The following INSC variants were observed in gnomAD, a reference collection of about 807,000 sequenced individuals.
The protein encoded by INSC is protein inscuteable homolog.
In INSC, 67 loss-of-function variants were observed where a neutral mutation model predicts 58.6. The observed-to-expected ratio is 1.14, with a 90% CI of 0.94 to 1.40. The LOEUF (loss-of-function observed/expected upper bound fraction) is 1.40. Ranked by LOEUF, INSC falls within the 40% of genes most tolerant of loss-of-function variation. The pLI is 0.00. For synonymous variants in INSC, 262 were observed against 276.1 expected, an observed-to-expected ratio of 0.95 and a Z score of 0.51; for missense variants, 714 against 692.0, an observed-to-expected ratio of 1.03 and a Z score of -0.36.
chr11:15,228,995 A>T (rs1851745967), intron 9 of INSC, among the ~76,000 whole-genome samples: 1 of 152,180 alleles, frequency 6.6e-6, no homozygotes, highest in Non-Finnish European at 1.5e-5. Context: ...TTTCATGCCC[A>T]GGAGGTATTT....
In INSC at chr11:15,114,998, C is replaced by G. The variant is rs1425412079; in HGVS notation, c.-51C>G. On this transcript the variant is annotated 5_prime_UTR_variant, in exon 1 of 13. Transcript: ENST00000379556. ...GCTCGCACTACCAGCCTGTCTCGCA[C>G]GCTAAGTAAGTAGACAGCTCCCCTA... The G allele has an allele frequency of 3.0e-6, 3 of 985,364 alleles. No homozygotes were observed. Among genetic ancestry groups the G allele is most frequent in the Non-Finnish European group, 3.6e-6 (3 of 829,954 alleles). 61.0% of individuals were successfully genotyped at this position (985,364 alleles called of 1,614,324 possible).
At chr11:15,208,304 G>C (rs748803917) in intron 7 of INSC, among the ~76,000 whole-genome samples, 5 of 152,140 alleles carry the variant, frequency 3.3e-5, no homozygotes, top group Non-Finnish European at 5.9e-5. Context: ...ACTCCCATGG[G>C]AATGGGCTAA....
At chr11:15,179,302 G>C (rs1391248271) in intron 5 of INSC, among the ~76,000 whole-genome samples, 1 of 152,174 alleles carries the variant, frequency 6.6e-6, no homozygotes, top group Non-Finnish European at 1.5e-5. Context: ...CAGTAAAGCA[G>C]ATTCCATAAG....
At chr11:15,169,520 T>G (rs1004409561) in intron 2 of INSC, among the ~76,000 whole-genome samples, 2 of 149,738 alleles carry the variant, frequency 1.3e-5, no homozygotes, top group Non-Finnish European at 2.9e-5. Context: ...TCACAGTTTT[T>G]GTTGTTGTTG....
At chr11:15,205,057 G>A (rs185719646) in intron 7 of INSC, among the ~76,000 whole-genome samples, 208 of 152,164 alleles carry the variant, frequency 1.4e-3, no homozygotes, top group Admixed American at 4.9e-3. Context: ...AAGTCACTTC[G>A]TCTCTGCTTC....
chr11:15,122,972 T>A (rs1441643020), intron 1 of INSC, among the ~76,000 whole-genome samples: 1 of 152,228 alleles, frequency 6.6e-6, no homozygotes, highest in Non-Finnish European at 1.5e-5. Flanking sequence ...TGCCTGGCCC[T>A]GCTGCCCTCT....
At chr11:15,121,256 T>C (rs1437198182) in intron 1 of INSC, among the ~76,000 whole-genome samples, 1 of 152,230 alleles carries the variant, frequency 6.6e-6, no homozygotes, top group Non-Finnish European at 1.5e-5. Flanking sequence ...ATAGATTGCA[T>C]TTAATTGTCA....
intron 1 of INSC, among the ~76,000 whole-genome samples, chr11:15,133,515 A>T (rs951903210): frequency 1.3e-5 from 2 of 152,106 alleles, no homozygotes; most frequent in Non-Finnish European, 2.9e-5. Context: ...TTAATTCTCA[A>T]CTCTCATTGT....
intron 2 of INSC, among the ~76,000 whole-genome samples, chr11:15,152,770 G>A (rs1848694507): frequency 6.6e-6 from 1 of 152,190 alleles, no homozygotes; most frequent in Non-Finnish European, 1.5e-5. Context: ...GCTGAAGGCT[G>A]TTGGCTAATG....
At chr11:15,168,933 C>A (rs554666499) in intron 2 of INSC, among the ~76,000 whole-genome samples, 16 of 152,066 alleles carry the variant, frequency 1.1e-4, no homozygotes, top group African/African-American at 3.9e-4. Flanking sequence ...TGTTATATTT[C>A]GATAAAAATT....
At chr11:15,247,820 C>G (rs541358242), downstream of INSC, among the ~76,000 whole-genome samples, 2 of 149,002 alleles carry the variant, frequency 1.3e-5, no homozygotes, top group Admixed American at 1.4e-4. Context: ...CAACAGACAA[C>G]TTTTGTTAAT....
chr11:15,148,271 T>G (rs1454607438), intron 1 of INSC, among the ~76,000 whole-genome samples: 1 of 152,184 alleles, frequency 6.6e-6, no homozygotes, highest in African/African-American at 2.4e-5. Flanking sequence ...TTTTCTTAGA[T>G]AATAGGAAGC....
At position 15,226,118 on chromosome 11, in the gene INSC, C is replaced by A. The variant is rs567431993; in HGVS notation, c.1170+290C>A. ...TGAAGCCTCCCTACGAGATCTCCTA[C>A]CTGCTTTGCCCATCCCAACCACTGT... On this transcript the variant is annotated intron_variant, in intron 9 of 12. Transcript: ENST00000379556. 4.4e-4 allele frequency among the ~76,000 whole-genome samples: 67 copies of A among 152,196 alleles called. 1 individual carries two copies. The highest frequency in any genetic ancestry group is 1.5e-3 in the African/African-American group (64 of 41,508).
chr11:15,155,328 C>A (rs1378406294), intron 2 of INSC, among the ~76,000 whole-genome samples: 1 of 152,204 alleles, frequency 6.6e-6, no homozygotes, highest in Non-Finnish European at 1.5e-5. Context: ...GCCTGGAAAA[C>A]CTACTGAGAT....
intron 1 of INSC, among the ~76,000 whole-genome samples, chr11:15,141,933 G>A (rs1255967396): frequency 6.6e-6 from 1 of 151,996 alleles, no homozygotes; most frequent in East Asian, 1.9e-4. Context: ...GTTACCATGA[G>A]GACTGAAATT....
rs537161754 is a variant in INSC at position 15,223,145 on chromosome 11, G to C, written c.991+1497G>C. On this transcript the variant is annotated intron_variant, in intron 8 of 12. Coordinates refer to ENST00000379556, the MANE Select transcript of INSC (RefSeq NM_001042536.3). ...GGTCACTGGTAAATTTCAGTTGATT[G>C]TTACCATGTGGGAAAGGCATAGACT... Among the ~76,000 whole-genome samples the C allele has an allele frequency of 5.0e-4, 76 of 152,256 alleles. No homozygotes were observed. The South Asian group carries it at 0.015, about 30-fold the overall frequency.
intron 6 of INSC, among the ~76,000 whole-genome samples, chr11:15,197,333 G>T (rs187817598): frequency 6.6e-6 from 1 of 152,084 alleles, no homozygotes; most frequent in African/African-American, 2.4e-5. Context: ...CCATTTTTCC[G>T]GGCTGGAAAA....
At chr11:15,143,961 C>T (rs1848432196) in intron 1 of INSC, among the ~76,000 whole-genome samples, 1 of 152,130 alleles carries the variant, frequency 6.6e-6, no homozygotes, top group Non-Finnish European at 1.5e-5. Context: ...CTGCAGGTAC[C>T]ACAAGGCCTC....
Position 15,228,171 on chromosome 11 carries a change from T to C in INSC, c.1170+2343T>C, listed in dbSNP as rs147085866. 6.8e-4 allele frequency among the ~76,000 whole-genome samples: 104 copies of C among 152,348 alleles called. 1 individual carries two copies. The East Asian group carries it at 7.3e-3, about 11-fold the overall frequency. ...AATGTTATTACAATTGGCCTTTGAA[T>C]GTGTGGCACACAGCATTGAATGGGA... is the stretch of plus-strand genomic sequence containing the variant. On this transcript the variant is annotated intron_variant, in intron 9 of 12. Coordinates refer to ENST00000379556, the MANE Select transcript of INSC (RefSeq NM_001042536.3).
Sources: allele counts gnomAD v4.1 joint callset (sites outside exome capture counted in the v4.1 genomes callset), GRCh38; gene constraint gnomAD v4.1.1; transcripts MANE v1.5; gene names NCBI Gene and HGNC (gene_info 2026-07-23, HGNC 2026-07-21).